PLEKHD1: variants seen among roughly 807,000 people sequenced by gnomAD.
PLEKHD1 encodes the protein pleckstrin homology and coiled-coil domain containing D1.
A neutral mutation model predicts 69.2 loss-of-function variants in PLEKHD1; 51 were observed. That is an observed-to-expected ratio of 0.74 (90% CI 0.59 to 0.93). PLEKHD1 has a LOEUF of 0.93. Among genes scored for constraint, PLEKHD1 ranks in the 40% least tolerant of loss-of-function variants. The pLI is 0.00. For synonymous variants in PLEKHD1, 236 were observed against 244.7 expected (o/e 0.96, Z 0.33); for missense variants, 584 against 641.0 (o/e 0.91, Z 0.96).
the PLEKHD1 span, among the ~76,000 whole-genome samples, chr14:69,475,124 C>G: frequency 2.0e-5 from 3 of 152,226 alleles, no homozygotes; most frequent in Non-Finnish European, 4.4e-5. Flanking sequence ...GCCTTTGGCT[C>G]CTAGTCCAGT....
At chr14:69,509,220 T>C (rs938293912) in intron 6 of PLEKHD1, among the ~76,000 whole-genome samples, 6 of 152,224 alleles carry the variant, frequency 3.9e-5, no homozygotes, top group African/African-American at 1.4e-4. Context: ...CATTTTTTTA[T>C]TGTTGAGCTT....
At chr14:69,511,118 G>A (rs552897985) in intron 6 of PLEKHD1, among the ~76,000 whole-genome samples, 9 of 152,122 alleles carry the variant, frequency 5.9e-5, no homozygotes, top group Admixed American at 1.3e-4. Flanking sequence ...TGTATTATTC[G>A]TTTGGATTTG....
chr14:69,485,391 G>T (rs573876907), intron 1 of PLEKHD1, among the ~76,000 whole-genome samples: 1 of 152,356 alleles, frequency 6.6e-6, no homozygotes, highest in Non-Finnish European at 1.5e-5. Flanking sequence ...AGAGACCGTG[G>T]TCGGGGTGGG....
the PLEKHD1 span, among the ~76,000 whole-genome samples, chr14:69,469,980 C>T: frequency 2.6e-5 from 4 of 151,716 alleles, no homozygotes; most frequent in African/African-American, 9.7e-5. Flanking sequence ...CCTAGGCCTC[C>T]CAAAGTGCTG....
chr14:69,498,061 A>T (rs530361428), intron 1 of PLEKHD1, among the ~76,000 whole-genome samples: 11,011 of 102,212 alleles, frequency 0.11, 603 homozygotes, highest in South Asian at 0.18. Context: ...TATTTTATTT[A>T]TTTTATTTTA....
chr14:69,510,701 G>C (rs141630122), intron 6 of PLEKHD1, among the ~76,000 whole-genome samples: 89 of 152,256 alleles, frequency 5.8e-4, no homozygotes, highest in African/African-American at 1.9e-3. Flanking sequence ...TCTGTGAACA[G>C]AGACAGTATT....
At chr14:69,480,945 G>A (rs1022751450), upstream of PLEKHD1, among the ~76,000 whole-genome samples, 4 of 152,166 alleles carry the variant, frequency 2.6e-5, no homozygotes, top group African/African-American at 9.7e-5. Context: ...GGGCCACCAC[G>A]CGCAGCCTGA....
intron 6 of PLEKHD1, among the ~76,000 whole-genome samples, chr14:69,516,551 A>G (rs1883388130): frequency 6.6e-6 from 1 of 152,102 alleles, no homozygotes; most frequent in Non-Finnish European, 1.5e-5. Context: ...CAATGTACTG[A>G]TTCATTGTAT....
intron 6 of PLEKHD1, among the ~76,000 whole-genome samples, chr14:69,509,257 A>G (rs1376872956): frequency 1.3e-5 from 2 of 152,114 alleles, no homozygotes; most frequent in African/African-American, 4.8e-5. Context: ...ATTTTGCATA[A>G]CAGTCCTTTA....
chr14:69,468,088 C>T, the PLEKHD1 span, among the ~76,000 whole-genome samples: 6 of 152,152 alleles, frequency 3.9e-5, no homozygotes, highest in African/African-American at 1.4e-4. Context: ...AAGAAATAAA[C>T]ACAGTTATTC....
the PLEKHD1 span, among the ~76,000 whole-genome samples, chr14:69,476,608 G>GT: frequency 6.6e-6 from 1 of 152,072 alleles, no homozygotes; most frequent in Non-Finnish European, 1.5e-5. Context: ...CACTAAAGAA[G>GT]TCTTTGGGCT....
At chr14:69,474,483 T>C in the PLEKHD1 span, among the ~76,000 whole-genome samples, 282 of 152,356 alleles carry the variant, frequency 1.9e-3, no homozygotes, top group Middle Eastern at 0.017. Flanking sequence ...TCTTTGTGAA[T>C]TCACCTGTGA....
intron 5 of PLEKHD1, 176 bp downstream of exon 5, chr14:69,502,001 A>G: frequency 1.8e-6 from 1 of 542,900 alleles, no homozygotes; most frequent in Non-Finnish European, 3.3e-6. Flanking sequence ...CTTTTGGCCA[A>G]CATGACTGAA....
In PLEKHD1 at chr14:69,528,325, G is replaced by A. The variant is rs1318117307; in HGVS notation, c.1427G>A (p.Arg476Gln). Residue 476 changes from arginine (R) to glutamine (Q), a missense_variant, in exon 13 of 13, where the codon CGG (arginine) becomes CAG (glutamine). Coordinates refer to ENST00000322564, the MANE Select transcript of PLEKHD1 (RefSeq NM_001161498.2). ...NMEELKEVAK[R>Q]LSRDQRFRES... is the part of the protein sequence containing the mutation. ...GAGGAGCTAAAGGAGGTGGCCAAGCGGCTCAGCAGGGACCAGCGCTTCCGG... is the reference window on the plus strand; with the variant it reads ...GAGGAGCTAAAGGAGGTGGCCAAGCAGCTCAGCAGGGACCAGCGCTTCCGG... 3.0e-5 allele frequency: 46 copies of A among 1,551,600 alleles called. No homozygotes were observed. Among genetic ancestry groups the A allele is most frequent in the Middle Eastern group, 1.7e-4 (1 of 6,012 alleles).
At chr14:69,513,046 G>A (rs1274587219) in intron 6 of PLEKHD1, among the ~76,000 whole-genome samples, 1 of 151,820 alleles carries the variant, frequency 6.6e-6, no homozygotes, top group Non-Finnish European at 1.5e-5. Context: ...TTGTACCACT[G>A]CACTTCAGCC....
intron 6 of PLEKHD1, among the ~76,000 whole-genome samples, chr14:69,520,813 G>A (rs1883496583): frequency 6.6e-6 from 1 of 152,228 alleles, no homozygotes; most frequent in Non-Finnish European, 1.5e-5. Flanking sequence ...GCCATGGCAG[G>A]GGGAAGGGAA....
chr14:69,521,797 C>T (rs1031917927), intron 6 of PLEKHD1, among the ~76,000 whole-genome samples: 2 of 152,178 alleles, frequency 1.3e-5, no homozygotes, highest in Non-Finnish European at 2.9e-5. Context: ...TTCCCAGATA[C>T]CTCAAGAAAA....
upstream of PLEKHD1, among the ~76,000 whole-genome samples, chr14:69,483,879 C>T (rs1238345287): frequency 6.6e-6 from 1 of 152,212 alleles, no homozygotes; most frequent in Non-Finnish European, 1.5e-5. Context: ...GCCCGGCCGG[C>T]ATCTCCCTGG....
intron 11 of PLEKHD1, among the ~76,000 whole-genome samples, 164 bp from the exon 12 acceptor site, chr14:69,527,619 T>C: frequency 6.6e-6 from 1 of 152,256 alleles, no homozygotes; most frequent in East Asian, 1.9e-4. Context: ...CAGATTGTGG[T>C]TTGAAAGGCA....
Sources: allele counts gnomAD v4.1 joint callset (sites outside exome capture counted in the v4.1 genomes callset), GRCh38; gene constraint gnomAD v4.1.1; transcripts MANE v1.5; gene names NCBI Gene and HGNC (gene_info 2026-07-23, HGNC 2026-07-21).